Variants in DSG2 observed in about 807,000 individuals in gnomAD.
DSG2 encodes desmoglein-2.
DSG2 carries 45 observed loss-of-function variants against 75.6 expected under a neutral mutation model. That is an observed-to-expected ratio of 0.60 (90% CI 0.47 to 0.76). The LOEUF (loss-of-function observed/expected upper bound fraction) is 0.76, where lower values mean the gene tolerates loss of function less well. DSG2 is among the 30% of genes least tolerant of loss of function. The pLI is 0.00. For synonymous variants in DSG2, 429 were observed against 483.9 expected, an observed-to-expected ratio of 0.89 and a Z score of 1.49; for missense variants, 1,267 against 1,357.4, an observed-to-expected ratio of 0.93 and a Z score of 1.05.
Position 31,542,520 on chromosome 18 carries a change from G to A in DSG2, c.2002G>A (p.Val668Met), listed in dbSNP as rs941953830. Residue 668 changes from valine to methionine, a missense_variant and splice_region_variant, in exon 14 of 15, where the codon GTG becomes ATG. Transcript: ENST00000261590. ...NNEGAPPEDK[V>M]VPSFLPVDQG... ...TTCTCAGCTGTGTTTGCTCTCACAG[G>A]TGGTGCCATCATTTCTGCCAGTGGA... The A allele has an allele frequency of 1.9e-6, 3 of 1,613,810 alleles. No individual in the cohort carries two copies. The highest frequency in any genetic ancestry group is 2.5e-6 in the Non-Finnish European group (3 of 1,180,008).
intron 1 of DSG2, among the ~76,000 whole-genome samples, chr18:31,514,854 G>A (rs957471919): frequency 1.3e-5 from 2 of 152,146 alleles, no homozygotes; most frequent in African/African-American, 4.8e-5. Context: ...CTCATATGAT[G>A]AATTTACGTT....
chr18:31,536,383 C>A lies in DSG2; in HGVS notation c.1605C>A (p.Asp535Glu), dbSNP rs368718022. Residue 535 changes from aspartate (D) to glutamate (E), a missense_variant, in exon 11 of 15, where the codon GAC becomes GAA. Transcript: ENST00000261590. ...GCCCTTTCAGTTTCTCCGTCATTGA[C>A]AAACCACCTGGCATGGCAGAAAAAT... ...NSGPFSFSVI[D>E]KPPGMAEKWK... 26 of 1,614,004 alleles carry A rather than the reference C, an allele frequency of 1.6e-5. No individual in the cohort carries two copies. Among genetic ancestry groups the A allele is most frequent in the Non-Finnish European group, 2.1e-5 (25 of 1,180,042 alleles).
chr18:31,524,617 T>C (rs1212077892), intron 7 of DSG2, 32 bp downstream of exon 7: 2 of 1,604,978 alleles, frequency 1.2e-6, no homozygotes, highest in African/African-American at 1.3e-5. Context: ...ACTGTACCTA[T>C]TTATTTATAT....
intron 1 of DSG2, among the ~76,000 whole-genome samples, chr18:31,501,659 A>G (rs1437970170): frequency 1.3e-5 from 2 of 152,002 alleles, no homozygotes; most frequent in Non-Finnish European, 2.9e-5. Context: ...TTGTCTCTTT[A>G]TATCATCTTC....
In DSG2 at chr18:31,534,134, C is replaced by T. The variant is rs561251642; in HGVS notation, c.1281-1136C>T. 1.2e-3 allele frequency among the ~76,000 whole-genome samples: 187 copies of T among 151,826 alleles called. 1 individual carries two copies. Among genetic ancestry groups the T allele is most frequent in the African/African-American group, 4.2e-3 (173 of 41,418 alleles). ...TCCCAAATAGCTGGAATTACAGGTGCCCACCACCACACCCAGATAATTTTT... is the reference window on the plus strand; with the variant it reads ...TCCCAAATAGCTGGAATTACAGGTGTCCACCACCACACCCAGATAATTTTT... On this transcript the variant is annotated intron_variant, in intron 9 of 14. Transcript: ENST00000261590.
intron 12 of DSG2, among the ~76,000 whole-genome samples, chr18:31,540,353 G>A (rs1358137324): frequency 6.6e-6 from 1 of 152,194 alleles, no homozygotes; most frequent in Non-Finnish European, 1.5e-5. Context: ...TACATATACA[G>A]ATACATAACG....
chr18:31,537,035 G>A (rs985544027), intron 11 of DSG2, among the ~76,000 whole-genome samples: 1 of 152,180 alleles, frequency 6.6e-6, no homozygotes, highest in Non-Finnish European at 1.5e-5. Context: ...ATGTGTTGAT[G>A]TGAGTTTTCA....
chr18:31,514,641 C>T (rs2073084198), intron 1 of DSG2, among the ~76,000 whole-genome samples: 1 of 152,192 alleles, frequency 6.6e-6, no homozygotes. Flanking sequence ...CACAACATTG[C>T]TATCATCTGA....
chr18:31,536,411 A>C lies in DSG2; in HGVS notation c.1633A>C (p.Lys545Gln), dbSNP rs544175105. Residue 545 changes from lysine (K) to glutamine (Q), a missense_variant, in exon 11 of 15, where the codon AAA becomes CAA. Physicochemically the swap from Lys to Gln is moderately conservative, Grantham distance 53 (BLOSUM62 1). Coordinates refer to ENST00000261590, the MANE Select transcript of DSG2 (RefSeq NM_001943.5). ...ACCACCTGGCATGGCAGAAAAATGG[A>C]AAATAGCACGCCAAGAAAGTAAGCA... ...DKPPGMAEKW[K>Q]IARQESTSVL... is the part of the protein sequence containing the mutation. 3 of 1,613,742 alleles carry C rather than the reference A, an allele frequency of 1.9e-6. No individual in the cohort carries two copies. Among genetic ancestry groups the C allele is most frequent in the Non-Finnish European group, 2.5e-6 (3 of 1,180,026 alleles).
At chr18:31,510,704 T>C (rs1380121468) in intron 1 of DSG2, among the ~76,000 whole-genome samples, 3 of 152,186 alleles carry the variant, frequency 2.0e-5, no homozygotes, top group African/African-American at 7.2e-5. Context: ...AACTAGTTAA[T>C]AAAATACTTT....
chr18:31,498,407 G>C (rs1238919857), intron 1 of DSG2, 111 bp downstream of exon 1: 2 of 1,155,324 alleles, frequency 1.7e-6, no homozygotes, highest in Admixed American at 4.3e-5. Context: ...TTACCTGCCC[G>C]GCGCTCCTTC....
chr18:31,545,618 A>G, intron 14 of DSG2, 103 bp from the exon 15 acceptor site: 2 of 1,349,320 alleles, frequency 1.5e-6, no homozygotes, highest in South Asian at 2.5e-5. Flanking sequence ...TTAAATTCAC[A>G]TTACTGCATT....
chr18:31,542,957 G>T (rs370963081), intron 14 of DSG2, 105 bp downstream of exon 14: 7 of 968,466 alleles, frequency 7.2e-6, no homozygotes, highest in East Asian at 7.0e-5. Context: ...ATGAGACTTT[G>T]GGTTTTTTTT....
intron 1 of DSG2, among the ~76,000 whole-genome samples, chr18:31,500,093 A>G (rs2144281100): frequency 6.6e-6 from 1 of 151,772 alleles, no homozygotes; most frequent in East Asian, 1.9e-4. Flanking sequence ...AGTAGTTGCC[A>G]AGGAAACAGG....
intron 13 of DSG2, 174 bp from the exon 14 acceptor site, chr18:31,542,346 A>G: frequency 1.5e-6 from 1 of 684,562 alleles, no homozygotes; most frequent in Admixed American, 2.3e-5. Flanking sequence ...GAGAGAAGAA[A>G]GGAGATCTTC....
In DSG2 at chr18:31,521,192, G is replaced by A. The variant is rs2144316316; in HGVS notation, c.472G>A (p.Val158Met). The A allele has an allele frequency of 6.2e-7, 1 of 1,613,476 alleles. No homozygotes were observed. Among genetic ancestry groups the A allele is most frequent in the Non-Finnish European group, 8.5e-7 (1 of 1,179,844 alleles). The part of the protein sequence containing the change: ...KVLDINDNEP[V>M]FTQDVFVGSV... ...TCTTGATATCAATGACAACGAACCA[G>A]TGTTCACACAGGATGTCTTTGTTGG... is the stretch of plus-strand genomic sequence containing the variant. The change falls in exon 5 of 15, where the codon GTG (valine) becomes ATG (methionine). Residue 158 changes from valine (V) to methionine (M), a missense_variant. Coordinates refer to ENST00000261590, the MANE Select transcript of DSG2 (RefSeq NM_001943.5).
At position 31,546,203 on chromosome 18, in the gene DSG2, C is replaced by G; in HGVS notation, c.2817C>G (p.Ser939=). 4 of 1,613,532 alleles carry G rather than the reference C, an allele frequency of 2.5e-6. No individual in the cohort carries two copies. The highest frequency in any genetic ancestry group is 3.4e-6 in the Non-Finnish European group (4 of 1,179,648). ...ASRNVIATET[S]YVTGSTMPPT... is the part of the protein sequence containing the mutation. Reference sequence around the variant, plus strand: ...GAAATGTGATAGCAACAGAAACTTCCTATGTCACAGGGTCCACTATGCCAC... The same window carrying G: ...GAAATGTGATAGCAACAGAAACTTCGTATGTCACAGGGTCCACTATGCCAC... Residue 939 remains serine, a synonymous_variant, in exon 15 of 15, where the codon TCC becomes TCG. Transcript: ENST00000261590.
chr18:31,501,201 A>G lies in DSG2; in HGVS notation c.45+2905A>G, dbSNP rs552445099. Among the ~76,000 whole-genome samples the G allele has an allele frequency of 4.6e-5, 7 of 152,320 alleles. No homozygotes were observed. The South Asian group carries it at 1.5e-3, about 32-fold the overall frequency. On this transcript the variant is annotated intron_variant, in intron 1 of 14. Transcript: ENST00000261590. ...GATAATCCCCTGTATTTTATTTTAT[A>G]CATTTGAAATCATTAATCTGAGAAG...
chr18:31,532,698 T>C (rs1162398366), intron 9 of DSG2, among the ~76,000 whole-genome samples: 1 of 152,220 alleles, frequency 6.6e-6, no homozygotes, highest in East Asian at 1.9e-4. Context: ...TGTGGTCTAG[T>C]TGGTCTAGTT....
Sources: gnomAD v4.1 joint callset for allele counts (sites outside exome capture counted in the v4.1 genomes callset) on GRCh38, gnomAD v4.1.1 for gene constraint, MANE v1.5 for transcripts, NCBI Gene and HGNC (gene_info 2026-07-23, HGNC 2026-07-21) for gene names.